Variants in PHLDB2 observed in about 807,000 individuals in gnomAD.
The protein encoded by PHLDB2 is pleckstrin homology like domain family B member 2.
PHLDB2 carries 71 observed loss-of-function variants against 123.6 expected under a neutral mutation model. The ratio of observed to expected loss-of-function variants is 0.57; its 90% CI spans 0.47 to 0.70. The LOEUF (loss-of-function observed/expected upper bound fraction) is 0.70. PHLDB2 is among the 30% of genes least tolerant of loss of function. The pLI, the probability that PHLDB2 is intolerant of heterozygous loss-of-function variation, is 0.00. For synonymous variants in PHLDB2, 547 were observed against 541.6 expected (o/e 1.01, Z -0.14); for missense variants, 1,446 against 1,519.5 (o/e 0.95, Z 0.80).
chr3:111,943,672 A>G (rs2070072206), intron 8 of PHLDB2, among the ~76,000 whole-genome samples: 2 of 152,332 alleles, frequency 1.3e-5, no homozygotes, highest in Non-Finnish European at 1.5e-5. Context: ...TCAAGGCAAT[A>G]TGAATTAGAA....
intron 3 of PHLDB2, 126 bp downstream of exon 3, chr3:111,913,828 A>T (rs2068015226): frequency 7.6e-7 from 1 of 1,308,652 alleles, no homozygotes; most frequent in African/African-American, 1.5e-5. Flanking sequence ...TCAATTTAAG[A>T]GGTCATTAGC....
chr3:111,733,967 T>G (rs1941596006), intron 1 of PHLDB2, among the ~76,000 whole-genome samples: 1 of 152,180 alleles, frequency 6.6e-6, no homozygotes, highest in Non-Finnish European at 1.5e-5. Context: ...TGTTTGACAT[T>G]ATTTTTGTCA....
At chr3:111,892,985 T>C (rs1196113828) in intron 2 of PHLDB2, among the ~76,000 whole-genome samples, 1 of 152,188 alleles carries the variant, frequency 6.6e-6, no homozygotes, top group African/African-American at 2.4e-5. Context: ...GGAAAAATTG[T>C]TTAGGAACCC....
At chr3:111,831,421 C>G (rs2063029060) in intron 1 of PHLDB2, among the ~76,000 whole-genome samples, 1 of 149,640 alleles carries the variant, frequency 6.7e-6, no homozygotes, top group Non-Finnish European at 1.5e-5. Flanking sequence ...GTGGGTCTTC[C>G]CATGAGCACA....
intron 1 of PHLDB2, among the ~76,000 whole-genome samples, chr3:111,825,947 T>G (rs1031499708): frequency 9.9e-5 from 15 of 152,176 alleles, no homozygotes; most frequent in Non-Finnish European, 1.6e-4. Context: ...GAAAGTTTTC[T>G]GTAATAAAAT....
At chr3:111,792,680 C>T (rs917714633) in intron 1 of PHLDB2, among the ~76,000 whole-genome samples, 2 of 151,904 alleles carry the variant, frequency 1.3e-5, no homozygotes, top group South Asian at 2.1e-4. Context: ...ACACTCCATC[C>T]GGGGTGACCA....
At chr3:111,918,260 CTA>C (rs2068292636) in intron 3 of PHLDB2, among the ~76,000 whole-genome samples, 1 of 152,200 alleles carries the variant, frequency 6.6e-6, no homozygotes, top group Non-Finnish European at 1.5e-5. Context: ...AGGAGTGTAA[CTA>C]TGCACTCTCT....
At chr3:111,973,689 C>A in intron 16 of PHLDB2, 43 bp from the exon 17 acceptor site, 1 of 1,015,394 alleles carries the variant, frequency 9.8e-7, no homozygotes, top group Non-Finnish European at 1.5e-6. Context: ...TTTTTCTGTT[C>A]CTCAGTGGCG....
chr3:111,914,921 C>T (rs1055155014), intron 3 of PHLDB2: 5 of 150,946 alleles, frequency 3.3e-5, no homozygotes, highest in African/African-American at 7.3e-5. Flanking sequence ...TTTGTTATTA[C>T]GTTTTTTTCA....
At chr3:111,959,229 TG>T (rs2071240937) in intron 12 of PHLDB2, among the ~76,000 whole-genome samples, 1 of 152,250 alleles carries the variant, frequency 6.6e-6, no homozygotes, top group African/African-American at 2.4e-5. Context: ...CTGGTTCAAT[TG>T]CAGGATCACA....
At chr3:111,931,965 A>G (rs772653748) in intron 5 of PHLDB2, among the ~76,000 whole-genome samples, 1 of 152,126 alleles carries the variant, frequency 6.6e-6, no homozygotes, top group Non-Finnish European at 1.5e-5. Context: ...CCAATGACCA[A>G]CACTCAACAT....
Position 111,859,432 on chromosome 3 carries a change from AG to A in PHLDB2, c.-154del. On this transcript the variant is annotated 5_prime_UTR_variant, in exon 1 of 18. Coordinates refer to ENST00000431670, the MANE Select transcript of PHLDB2 (RefSeq NM_001134438.2). ...TGGGTGCCCGCCGCGGTGGTTACAAAGGGGGTCAAGAGTGCCGGACCCAGCC... is the reference window on the plus strand; with the variant it reads ...TGGGTGCCCGCCGCGGTGGTTACAAAGGGGTCAAGAGTGCCGGACCCAGCC... 1 of 985,562 alleles carries A rather than the reference AG, an allele frequency of 1.0e-6. No homozygotes were observed. Among genetic ancestry groups the A allele is most frequent in the Non-Finnish European group, 1.2e-6 (1 of 830,056 alleles). The allele number at this position is 985,562 out of a possible 1,614,324, so 61.1% of individuals were successfully genotyped here. A position where few individuals can be genotyped will look rare whatever the true frequency, so the allele number is the denominator to read the frequency against.
At chr3:111,777,716 C>A (rs1234627143) in intron 1 of PHLDB2, among the ~76,000 whole-genome samples, 1 of 152,020 alleles carries the variant, frequency 6.6e-6, no homozygotes, top group Non-Finnish European at 1.5e-5. Context: ...TTGATGCCAT[C>A]TGTTTAATAC....
intron 10 of PHLDB2, chr3:111,949,608 TATAAC>T (rs2070578278): frequency 1.4e-6 from 1 of 707,204 alleles, no homozygotes; most frequent in Non-Finnish European, 1.7e-6. Flanking sequence ...TTAATTAAAA[TATAAC>T]AAAACAGAAC....
In PHLDB2 at chr3:111,935,088, T is replaced by C. The variant is rs189566361; in HGVS notation, c.2130+2691T>C. Among the ~76,000 whole-genome samples, 52 of 141,274 alleles carry C rather than the reference T, an allele frequency of 3.7e-4. No individual in the cohort carries two copies. In the East Asian group the frequency reaches 8.3e-3, roughly 23 times the overall value. The allele number at this position is 141,274 out of a possible 152,430, so 92.7% of individuals were successfully genotyped here. ...CTCAAATGAATGGTTGATTTTGGTA[T>C]CTTGATTTTTTTTTTTTTTTTTTTT... is the stretch of plus-strand genomic sequence containing the variant. On this transcript the variant is annotated intron_variant, in intron 6 of 17. Transcript: ENST00000431670.
intron 1 of PHLDB2, among the ~76,000 whole-genome samples, chr3:111,829,608 C>T (rs1164972116): frequency 6.6e-6 from 1 of 151,686 alleles, no homozygotes; most frequent in Non-Finnish European, 1.5e-5. Flanking sequence ...GGATTACAGG[C>T]ACATGCCACC....
chr3:111,868,604 T>G (rs930132196), intron 1 of PHLDB2, among the ~76,000 whole-genome samples: 1 of 151,528 alleles, frequency 6.6e-6, no homozygotes, highest in African/African-American at 2.4e-5. Flanking sequence ...ACACTTTTAA[T>G]TTGTGTTGAG....
intron 14 of PHLDB2, among the ~76,000 whole-genome samples, chr3:111,967,246 C>T (rs2071838065): frequency 1.3e-5 from 2 of 152,184 alleles, no homozygotes; most frequent in African/African-American, 4.8e-5. Flanking sequence ...CTGTGACCTT[C>T]AGCCAGGAAA....
chr3:111,940,521 CT>C lies in PHLDB2; in HGVS notation c.2287-13del. On this transcript the variant is annotated splice_polypyrimidine_tract_variant and intron_variant, in intron 7 of 17. Coordinates refer to ENST00000431670, the MANE Select transcript of PHLDB2 (RefSeq NM_001134438.2). ...CTAATGTACATCTTCCTATGATCAT[CT>C]CTTTTCCTCCAGGAAAAAATTTCTG... The C allele has an allele frequency of 2.0e-6, 3 of 1,513,870 alleles. No homozygotes were observed. The highest frequency in any genetic ancestry group is 2.7e-6 in the Non-Finnish European group (3 of 1,098,126). 93.8% of individuals were successfully genotyped at this position (1,513,870 alleles called of 1,614,324 possible).
Sources: gnomAD v4.1 joint callset for allele counts (sites outside exome capture counted in the v4.1 genomes callset) on GRCh38, gnomAD v4.1.1 for gene constraint, MANE v1.5 for transcripts, NCBI Gene and HGNC (gene_info 2026-07-23, HGNC 2026-07-21) for gene names.